The following EEF1G variants were observed in gnomAD, a reference collection of about 807,000 sequenced individuals.
The protein encoded by EEF1G is elongation factor 1-gamma.
A neutral mutation model predicts 58.3 loss-of-function variants in EEF1G; 14 were observed. That is an observed-to-expected ratio of 0.24 (90% CI 0.16 to 0.38). The LOEUF is 0.38. Among genes scored for constraint, EEF1G ranks in the 10% least tolerant of loss-of-function variants. The pLI is 1.00. For synonymous variants in EEF1G, 180 were observed against 206.8 expected (o/e 0.87, Z 1.11); for missense variants, 322 against 550.1 (o/e 0.59, Z 4.15).
At chr11:62,559,888 C>T (rs1040550065) in intron 9 of EEF1G, 51 bp from the exon 10 acceptor site, 4 of 1,613,316 alleles carry the variant, frequency 2.5e-6, no homozygotes, top group Non-Finnish European at 2.5e-6. Flanking sequence ...CCACCCCACA[C>T]CTGTGTTACT....
In EEF1G at chr11:62,560,448, A is replaced by G. The variant is rs761650517; in HGVS notation, c.864T>C (p.Phe288=). The change falls in exon 8 of 10, where the codon TTT becomes TTC. Residue 288 remains phenylalanine (F), a synonymous_variant. Coordinates refer to ENST00000329251, the MANE Select transcript of EEF1G (RefSeq NM_001404.5). ...DPFAHLPKST[F]VLDEFKRKYS... ...ACTTGCGCTTAAATTCATCCAACAC[A>G]AAGGTACTAAGAGGAAGAAAGCACA... The G allele has an allele frequency of 2.4e-5, 38 of 1,609,812 alleles. No individual in the cohort carries two copies. In the African/African-American group the frequency reaches 4.8e-4, roughly 20 times the overall value.
At chr11:62,566,395 T>A (rs969527945) in intron 7 of EEF1G, among the ~76,000 whole-genome samples, 2 of 152,254 alleles carry the variant, frequency 1.3e-5, no homozygotes, top group Admixed American at 6.5e-5. Context: ...CAAAGGACCC[T>A]GCTCTGGCAT....
At chr11:62,565,166 T>A (rs1023785598) in intron 7 of EEF1G, among the ~76,000 whole-genome samples, 1 of 151,754 alleles carries the variant, frequency 6.6e-6, no homozygotes, top group African/African-American at 2.4e-5. Context: ...AGGCCAAGGA[T>A]CACTTGAGCC....
At chr11:62,561,673 A>G (rs1941496744) in intron 7 of EEF1G, among the ~76,000 whole-genome samples, 2 of 24,198 alleles carry the variant, frequency 8.3e-5, no homozygotes, top group African/African-American at 1.4e-4. Flanking sequence ...AAAAAAAACA[A>G]AAAAAAAACA....
intron 6 of EEF1G, 76 bp downstream of exon 6, chr11:62,567,323 A>C (rs894592560): frequency 8.0e-6 from 12 of 1,508,656 alleles, no homozygotes; most frequent in Non-Finnish European, 1.1e-5. Context: ...AAAGCAAGAC[A>C]GGAAATCAAG....
chr11:62,566,584 T>G (rs1453577258), intron 7 of EEF1G, among the ~76,000 whole-genome samples: 1 of 152,252 alleles, frequency 6.6e-6, no homozygotes, highest in Non-Finnish European at 1.5e-5. Context: ...AGGAGTTCAA[T>G]CTTCCCCAGT....
chr11:62,571,524 A>G lies in EEF1G; in HGVS notation c.378+16T>C. The stretch of plus-strand genomic sequence containing the variant: ...CCACCCCTGCCCCTGGCTTCTCTCA[A>G]AGTTCCAAGGCTCACCTGTTTGTTG... On this transcript the variant is annotated intron_variant, in intron 4 of 9. Transcript: ENST00000329251. 6.3e-7 allele frequency: 1 copy of G among 1,588,382 alleles called. No individual in the cohort carries two copies. Among genetic ancestry groups the G allele is most frequent in the Non-Finnish European group, 8.6e-7 (1 of 1,166,310 alleles).
chr11:62,562,315 C>T (rs899924713), intron 7 of EEF1G, among the ~76,000 whole-genome samples: 8 of 152,050 alleles, frequency 5.3e-5, no homozygotes, highest in South Asian at 4.1e-4. Flanking sequence ...TCTTGGTTGC[C>T]GGCTAATAAA....
intron 7 of EEF1G, among the ~76,000 whole-genome samples, chr11:62,560,972 G>T (rs1941487363): frequency 6.6e-6 from 1 of 152,178 alleles, no homozygotes; most frequent in Admixed American, 6.5e-5. Flanking sequence ...TCTTTTCCAA[G>T]GTTTTCCGAT....
rs868174743 is a variant in EEF1G at position 62,568,374 on chromosome 11, T to A, written c.523-846A>T. 2.8e-5 allele frequency among the ~76,000 whole-genome samples: 3 copies of A among 109,064 alleles called. No individual in the cohort carries two copies. In the South Asian group the frequency reaches 9.5e-4, roughly 35 times the overall value. 71.6% of individuals were successfully genotyped at this position (109,064 alleles called of 152,430 possible). ...CTGCACTCCAGCTTGGGTGACAGAG[T>A]GAGACTCTGTCTCAAAAAAAAAAAA... On this transcript the variant is annotated intron_variant, in intron 5 of 9. Coordinates refer to ENST00000329251, the MANE Select transcript of EEF1G (RefSeq NM_001404.5).
At chr11:62,569,563 TA>T (rs1941601397) in intron 5 of EEF1G, among the ~76,000 whole-genome samples, 1 of 152,184 alleles carries the variant, frequency 6.6e-6, no homozygotes, top group Non-Finnish European at 1.5e-5. Context: ...AAAATAAGAA[TA>T]AACAGCTTCA....
chr11:62,570,220 C>T (rs532077664), intron 5 of EEF1G, among the ~76,000 whole-genome samples: 1 of 152,188 alleles, frequency 6.6e-6, no homozygotes, highest in South Asian at 2.1e-4. Context: ...TACCACCACG[C>T]CCGGCTAATT....
At chr11:62,572,537 G>A (rs1005813943) in intron 2 of EEF1G, 47 bp downstream of exon 2, 2 of 1,607,270 alleles carry the variant, frequency 1.2e-6, no homozygotes, top group Non-Finnish European at 1.7e-6. Context: ...GAATCGCAGG[G>A]CCTTGGTTTC....
At chr11:62,567,678 G>A in intron 5 of EEF1G, 150 bp from the exon 6 acceptor site, 1 of 721,666 alleles carries the variant, frequency 1.4e-6, no homozygotes, top group Non-Finnish European at 2.0e-6. Context: ...ATCCTTCCCT[G>A]GATTACTTCC....
chr11:62,560,319 T>A lies in EEF1G; in HGVS notation c.993A>T (p.Glu331Asp), dbSNP rs757122560. The change falls in exon 8 of 10, where the codon GAA (glutamate) becomes GAT (aspartate). Residue 331 changes from glutamate (E) to aspartate (D), a missense_variant. By Grantham distance (45) the Glu-to-Asp change is conservative (BLOSUM62 2). Coordinates refer to ENST00000329251, the MANE Select transcript of EEF1G (RefSeq NM_001404.5). ...TGCAGCTCATGAAGGTCTGAGTGAG[T>A]TCTTCAGGGAAGCGATACTCTGAGT... Reference protein sequence around the residue: ...LWYSEYRFPEELTQTFMSCNL... With the variant: ...LWYSEYRFPEDLTQTFMSCNL... 1 of 1,612,518 alleles carries A rather than the reference T, an allele frequency of 6.2e-7. No individual in the cohort carries two copies. Among genetic ancestry groups the A allele is most frequent in the Non-Finnish European group, 8.5e-7 (1 of 1,179,192 alleles).
intron 7 of EEF1G, among the ~76,000 whole-genome samples, chr11:62,564,824 T>C (rs1368285401): frequency 6.7e-6 from 1 of 148,444 alleles, no homozygotes; most frequent in African/African-American, 2.5e-5. Flanking sequence ...TCCCACCACT[T>C]TGAGAGGCCA....
chr11:62,571,651 T>C lies in EEF1G; in HGVS notation c.267A>G (p.Pro89=), dbSNP rs754687546. 6 of 1,587,270 alleles carry C rather than the reference T, an allele frequency of 3.8e-6. No individual in the cohort carries two copies. The South Asian group carries it at 4.6e-5, about 12-fold the overall frequency. The change falls in exon 4 of 10, where the codon CCA becomes CCG. Residue 89 remains proline (P), a synonymous_variant. Transcript: ENST00000329251. ...ACTGCACCACCTGGGCTGCTGCCTC[T>C]GGAGTACTTCCCCGCAGCTCCTCAT... The part of the protein sequence containing the change: ...VSNEELRGST[P]EAAAQVVQWV...
chr11:62,561,831 A>ACT (rs557947786), intron 7 of EEF1G, among the ~76,000 whole-genome samples: 1 of 151,842 alleles, frequency 6.6e-6, no homozygotes, highest in African/African-American at 2.4e-5. Context: ...TGTAAATAAG[A>ACT]CTCTCTCTCT....
chr11:62,564,782 A>AAAAG (rs55778573), intron 7 of EEF1G, among the ~76,000 whole-genome samples: 187 of 141,702 alleles, frequency 1.3e-3, no homozygotes, highest in Middle Eastern at 4.0e-3. Context: ...AAAAAAAAAA[A>AAAAG]GGGGGCCAGG....
Sources: allele counts gnomAD v4.1 joint callset (sites outside exome capture counted in the v4.1 genomes callset), GRCh38; gene constraint gnomAD v4.1.1; transcripts MANE v1.5; gene names NCBI Gene and HGNC (gene_info 2026-07-23, HGNC 2026-07-21).